Variants in SAMMSON observed in about 807,000 individuals in gnomAD.
The protein encoded by SAMMSON is survival associated mitochondrial melanoma specific oncogenic non-coding RNA.
chr3:70,288,961 G>T (rs1228487691), intron 6 of SAMMSON, among the ~76,000 whole-genome samples: 2 of 151,874 alleles, frequency 1.3e-5, no homozygotes, highest in Non-Finnish European at 2.9e-5. Context: ...GTCTCTGCAC[G>T]TGAGATGGGT....
At chr3:70,241,968 GT>G (rs1701670245) in intron 4 of SAMMSON, among the ~76,000 whole-genome samples, 2 of 152,136 alleles carry the variant, frequency 1.3e-5, no homozygotes, top group Non-Finnish European at 1.5e-5. Flanking sequence ...GGCCCTTAGA[GT>G]TTATTATCTA....
At chr3:70,252,869 C>T (rs1255194446) in intron 6 of SAMMSON, among the ~76,000 whole-genome samples, 2 of 151,864 alleles carry the variant, frequency 1.3e-5, no homozygotes, top group Non-Finnish European at 2.9e-5. Context: ...CACCTGAGGT[C>T]AGGAGTTCGA....
intron 4 of SAMMSON, among the ~76,000 whole-genome samples, chr3:70,141,531 TA>T (rs1339805049): frequency 6.6e-6 from 1 of 151,366 alleles, no homozygotes; most frequent in Non-Finnish European, 1.5e-5. Flanking sequence ...AACACTCTCA[TA>T]AATACCCCCA....
chr3:70,086,554 G>A (rs143088111), intron 4 of SAMMSON, among the ~76,000 whole-genome samples: 33 of 152,240 alleles, frequency 2.2e-4, no homozygotes, highest in African/African-American at 7.0e-4. Context: ...GTTCTGTCTG[G>A]GTTGGATGCT....
intron 4 of SAMMSON, among the ~76,000 whole-genome samples, chr3:70,230,130 TG>T (rs1337032583): frequency 6.6e-6 from 1 of 152,186 alleles, no homozygotes; most frequent in Non-Finnish European, 1.5e-5. Flanking sequence ...GAATTAAAAA[TG>T]GTCAGGCCGA....
chr3:70,362,803 G>GC (rs1702883600), intron 9 of SAMMSON, among the ~76,000 whole-genome samples: 1 of 132,080 alleles, frequency 7.6e-6, no homozygotes. Flanking sequence ...GGAAAGATCT[G>GC]CTTTTTTTTT....
At chr3:70,073,472 T>C (rs1314480500) in intron 4 of SAMMSON, among the ~76,000 whole-genome samples, 1 of 152,026 alleles carries the variant, frequency 6.6e-6, no homozygotes, top group African/African-American at 2.4e-5. Context: ...GCTTACAATC[T>C]ATCGCAGAGC....
chr3:70,112,712 A>G (rs190788018), intron 4 of SAMMSON, among the ~76,000 whole-genome samples: 119 of 152,354 alleles, frequency 7.8e-4, no homozygotes, highest in Non-Finnish European at 1.4e-3. Flanking sequence ...TATTTAAATA[A>G]TCACAGTAAA....
intron 2 of SAMMSON, chr3:70,424,676 A>G (rs1701341161): frequency 6.6e-6 from 1 of 152,242 alleles, no homozygotes; most frequent in Non-Finnish European, 1.5e-5. Flanking sequence ...TACTTAAAAA[A>G]GGACTGTTCT....
intron 4 of SAMMSON, among the ~76,000 whole-genome samples, chr3:70,130,742 G>A (rs2067479443): frequency 6.6e-6 from 1 of 152,228 alleles, no homozygotes. Context: ...TAGGTTCTCA[G>A]CCAATAGCTA....
At chr3:70,016,905 G>A (rs542360716) in intron 3 of SAMMSON, among the ~76,000 whole-genome samples, 3 of 152,058 alleles carry the variant, frequency 2.0e-5, no homozygotes, top group South Asian at 2.1e-4. Context: ...GTAGATATGC[G>A]GCATTATTTC....
intron 4 of SAMMSON, chr3:70,124,997 A>G: frequency 1.5e-6 from 1 of 663,772 alleles, no homozygotes; most frequent in South Asian, 1.8e-5. Context: ...CCAGGTGGTC[A>G]ATTTCTTCCT....
chr3:70,175,678 A>G (rs12639327), intron 4 of SAMMSON, among the ~76,000 whole-genome samples: 4,970 of 152,212 alleles, frequency 0.033, 226 homozygotes, highest in East Asian at 0.23. Flanking sequence ...TTGCTCTACA[A>G]TCTCCTCCAG....
intron 6 of SAMMSON, among the ~76,000 whole-genome samples, chr3:70,270,472 G>T (rs1701965892): frequency 6.6e-6 from 1 of 152,070 alleles, no homozygotes; most frequent in African/African-American, 2.4e-5. Context: ...GTTGACAGTG[G>T]CTACCTCTCA....
intron 4 of SAMMSON, among the ~76,000 whole-genome samples, chr3:70,115,228 A>G (rs1223017323): frequency 7.3e-6 from 1 of 136,420 alleles, no homozygotes; most frequent in African/African-American, 3.1e-5. Flanking sequence ...AAAAAAAAAG[A>G]AAGAAAGAAA....
chr3:70,105,453 C>A (rs1402058308), intron 4 of SAMMSON, among the ~76,000 whole-genome samples: 3 of 152,130 alleles, frequency 2.0e-5, no homozygotes, highest in Non-Finnish European at 2.9e-5. Context: ...GGGCTAGGGG[C>A]CCCTCCCTCT....
chr3:70,179,983 A>T (rs2106704731), intron 4 of SAMMSON, among the ~76,000 whole-genome samples: 1 of 146,798 alleles, frequency 6.8e-6, no homozygotes, highest in African/African-American at 2.5e-5. Context: ...ATAGATTTTT[A>T]TTATTTTACC....
chr3:69,999,950 T>TC (rs1336340508), intron 1 of SAMMSON: 1 of 151,974 alleles, frequency 6.6e-6, no homozygotes, highest in Non-Finnish European at 1.5e-5. Flanking sequence ...CCCTTCTCGC[T>TC]CCCCCATCAC....
intron 2 of SAMMSON, among the ~76,000 whole-genome samples, chr3:70,427,670 GGAGCTTGCAGT>G (rs1488727083): frequency 2.0e-5 from 3 of 151,194 alleles, no homozygotes; most frequent in African/African-American, 7.3e-5. Context: ...CCCGGGAGGC[GGAGCTTGCAGT>G]GAGTCGAGAT....
Sources: gnomAD v4.1 joint callset for allele counts (sites outside exome capture counted in the v4.1 genomes callset) on GRCh38, gnomAD v4.1.1 for gene constraint, MANE v1.5 for transcripts, NCBI Gene and HGNC (gene_info 2026-07-23, HGNC 2026-07-21) for gene names.